The following FECH variants were observed in gnomAD, a reference collection of about 807,000 sequenced individuals.
The protein encoded by FECH is ferrochelatase.
A neutral mutation model predicts 56.9 loss-of-function variants in FECH; 40 were observed. The ratio of observed to expected loss-of-function variants is 0.70; its 90% confidence interval spans 0.55 to 0.92. The LOEUF (loss-of-function observed/expected upper bound fraction) is 0.92, where lower values mean the gene tolerates loss of function less well. Among genes scored for constraint, FECH ranks in the 40% least tolerant of loss-of-function variants. The pLI is 0.00. For missense variants in FECH, 431 were observed against 529.1 expected (o/e 0.81, Z 1.82); for synonymous variants, 175 against 198.6 (o/e 0.88, Z 1.00).
At chr18:57,551,210 A>G (rs2050792912) in intron 10 of FECH, 105 bp downstream of exon 10, 3 of 839,022 alleles carry the variant, frequency 3.6e-6, no homozygotes, top group Non-Finnish European at 2.0e-6. Context: ...ATTAATTGGA[A>G]CTCCAAATGT....
chr18:57,573,459 C>T, intron 2 of FECH, 94 bp from the exon 3 acceptor site: 2 of 1,436,696 alleles, frequency 1.4e-6, no homozygotes, highest in South Asian at 1.1e-5. Context: ...TAATCTGTTC[C>T]ATACAAAGGT....
In FECH at chr18:57,546,249, T is replaced by C. The variant is rs7228449; in HGVS notation, c.*4463A>G. Among the ~76,000 whole-genome samples the C allele has an allele frequency of 0.029, 4,420 of 152,304 alleles. 207 individuals carry two copies. Among genetic ancestry groups the C allele is most frequent in the African/African-American group, 0.1 (4,229 of 41,522 alleles). ...GGTTCTTGGCTGATGCACCTGTGCC[T>C]TCACGTGCCCCCGTGCGCACACATA... On this transcript the variant is annotated 3_prime_UTR_variant, in exon 11 of 11. Coordinates refer to ENST00000262093, the MANE Select transcript of FECH (RefSeq NM_000140.5).
chr18:57,563,588 A>C (rs1271300522), intron 5 of FECH, among the ~76,000 whole-genome samples: 5 of 150,448 alleles, frequency 3.3e-5, no homozygotes, highest in Non-Finnish European at 7.4e-5. Context: ...CCCAAAAAAA[A>C]AAAAAAAAAA....
At chr18:57,553,401 C>T (rs937122937) in intron 9 of FECH, among the ~76,000 whole-genome samples, 3 of 152,152 alleles carry the variant, frequency 2.0e-5, no homozygotes, top group South Asian at 4.2e-4. Context: ...CTACCCTGCC[C>T]TACACCTGCT....
chr18:57,565,915 A>T (rs2051009835), intron 5 of FECH, among the ~76,000 whole-genome samples: 1 of 152,228 alleles, frequency 6.6e-6, no homozygotes, highest in African/African-American at 2.4e-5. Context: ...ACAAGCAGTA[A>T]CATTTTCCAA....
intron 9 of FECH, among the ~76,000 whole-genome samples, chr18:57,552,412 A>G (rs933625815): frequency 2.7e-5 from 4 of 148,278 alleles, no homozygotes; most frequent in Non-Finnish European, 6.0e-5. Context: ...TTATTTATTT[A>G]TTTTTTGAGA....
chr18:57,566,588 G>A lies in FECH; in HGVS notation c.464-7C>T. On this transcript the variant is annotated splice_polypyrimidine_tract_variant and splice_region_variant and intron_variant, in intron 4 of 10. Transcript: ENST00000262093. The stretch of plus-strand genomic sequence containing the variant: ...ATATAGTATTTGTGAGGGGCTATTA[G>A]GAAGCACATGTGGAAAGGAGAAAGT... 6.2e-7 allele frequency: 1 copy of A among 1,614,060 alleles called. No individual in the cohort carries two copies.
At position 57,547,691 on chromosome 18, in the gene FECH, G is replaced by T. The variant is rs942733495; in HGVS notation, c.*3021C>A. Among the ~76,000 whole-genome samples, 1 of 151,990 alleles carries T rather than the reference G, an allele frequency of 6.6e-6. No homozygotes were observed. Among genetic ancestry groups the T allele is most frequent in the Non-Finnish European group, 1.5e-5 (1 of 67,994 alleles). The stretch of plus-strand genomic sequence containing the variant: ...TCTGTCACCCAGGCTGGAGTGCAGT[G>T]GTGCAATCACACCTCACTGCAACCT... On this transcript the variant is annotated 3_prime_UTR_variant, in exon 11 of 11. Transcript: ENST00000262093.
chr18:57,567,092 T>C (rs1047192060), intron 4 of FECH, among the ~76,000 whole-genome samples: 4 of 152,126 alleles, frequency 2.6e-5, no homozygotes, highest in African/African-American at 9.7e-5. Context: ...TCCCAACCCA[T>C]GCTTCTCACT....
At chr18:57,551,428 T>C in intron 9 of FECH, 54 bp from the exon 10 acceptor site, 1 of 1,432,218 alleles carries the variant, frequency 7.0e-7, no homozygotes, top group Non-Finnish European at 9.8e-7. Context: ...ATTTTCCTTT[T>C]TTTTTCAAAG....
chr18:57,585,482 T>G (rs927791987), intron 1 of FECH, among the ~76,000 whole-genome samples: 2 of 152,228 alleles, frequency 1.3e-5, no homozygotes, highest in African/African-American at 4.8e-5. Flanking sequence ...TCAATACTTC[T>G]TTCAGCCCCA....
rs2051197265 is a variant in FECH, at chr18:57,577,251, C to T, written c.194+2822G>A. On this transcript the variant is annotated intron_variant, in intron 2 of 10. Transcript: ENST00000262093. ...TAAATCTGTATACACACATACACCC[C>T]TACTGCCTGTTTTTGTAAATAAAGT... Among the ~76,000 whole-genome samples the T allele has an allele frequency of 2.6e-5, 4 of 152,220 alleles. No homozygotes were observed. In the South Asian group the frequency reaches 6.2e-4, roughly 24 times the overall value.
At chr18:57,559,418 T>A (rs2050912616) in intron 6 of FECH, among the ~76,000 whole-genome samples, 175 bp from the exon 7 acceptor site, 1 of 152,196 alleles carries the variant, frequency 6.6e-6, no homozygotes, top group East Asian at 1.9e-4. Context: ...TGGTTTATCA[T>A]CAAAATGGAT....
At chr18:57,586,470 G>A (rs1333939535) in intron 1 of FECH, 84 bp downstream of exon 1, 47 of 1,406,422 alleles carry the variant, frequency 3.3e-5, no homozygotes, top group South Asian at 3.8e-5. Flanking sequence ...CCCCGGGCGC[G>A]AGGGCCCGGG....
At position 57,551,305 on chromosome 18, in the gene FECH, C is replaced by A. The variant is rs1392866618; in HGVS notation, c.1137+10G>T. On this transcript the variant is annotated intron_variant, in intron 10 of 10. Transcript: ENST00000262093. Reference sequence around the variant, plus strand: ...ATGTTCTACTAAAACGATTGTAACACTGTAGATACCTTAGAGAACAATGGA... The same window carrying A: ...ATGTTCTACTAAAACGATTGTAACAATGTAGATACCTTAGAGAACAATGGA... The A allele has an allele frequency of 6.3e-7, 1 of 1,597,552 alleles. No individual in the cohort carries two copies. The highest frequency in any genetic ancestry group is 8.6e-7 in the Non-Finnish European group (1 of 1,165,082).
rs2050750395 is a variant in FECH, at chr18:57,548,575, C to G, written c.*2137G>C. The stretch of plus-strand genomic sequence containing the variant: ...ACATTTGTATTTCAAAGTTGACCAA[C>G]AGGATGACAATTCTCAAAGCTCTAA... On this transcript the variant is annotated 3_prime_UTR_variant, in exon 11 of 11. Transcript: ENST00000262093. The G allele has an allele frequency of 6.6e-6, 1 of 152,226 alleles. No individual in the cohort carries two copies. Among genetic ancestry groups the G allele is most frequent in the Admixed American group, 6.5e-5 (1 of 15,290 alleles). The allele number at this position is 152,226 out of a possible 1,614,324, so 9.4% of individuals were successfully genotyped here.
chr18:57,546,207 T>A lies in FECH; in HGVS notation c.*4505A>T, dbSNP rs570549277. Reference sequence around the variant, plus strand: ...AGGGGTTTCAGGTGAGGTGAGAAGGTTAAGAGGTGAATTGGAGGTTCTTGG... The same window carrying A: ...AGGGGTTTCAGGTGAGGTGAGAAGGATAAGAGGTGAATTGGAGGTTCTTGG... On this transcript the variant is annotated 3_prime_UTR_variant, in exon 11 of 11. Transcript: ENST00000262093. Among the ~76,000 whole-genome samples, 1 of 152,270 alleles carries A rather than the reference T, an allele frequency of 6.6e-6. No homozygotes were observed. The highest frequency in any genetic ancestry group is 2.1e-4 in the South Asian group (1 of 4,812).
At chr18:57,577,385 CT>C (rs750745785) in intron 2 of FECH, among the ~76,000 whole-genome samples, 7 of 152,182 alleles carry the variant, frequency 4.6e-5, no homozygotes, top group Non-Finnish European at 8.8e-5. Context: ...CCTACAAAGC[CT>C]GAAAAATTTA....
chr18:57,550,693 CG>C lies in FECH; in HGVS notation c.*18del. Reference sequence around the variant, plus strand: ...GAGGTTGGGCATTTGCCTAACGCCACGGGGTCCACCGGCGGGGGTCACAGCT... The same window carrying C: ...GAGGTTGGGCATTTGCCTAACGCCACGGGTCCACCGGCGGGGGTCACAGCT... On this transcript the variant is annotated 3_prime_UTR_variant, in exon 11 of 11. Coordinates refer to ENST00000262093, the MANE Select transcript of FECH (RefSeq NM_000140.5). 6.2e-7 allele frequency: 1 copy of C among 1,613,974 alleles called. No individual in the cohort carries two copies. Among genetic ancestry groups the C allele is most frequent in the Non-Finnish European group, 8.5e-7 (1 of 1,179,956 alleles).
Sources: allele counts gnomAD v4.1 joint callset (sites outside exome capture counted in the v4.1 genomes callset), GRCh38; gene constraint gnomAD v4.1.1; transcripts MANE v1.5; gene names NCBI Gene and HGNC (gene_info 2026-07-23, HGNC 2026-07-21).